BICD1: variants seen among roughly 807,000 people sequenced by gnomAD.
The protein encoded by BICD1 is protein bicaudal D homolog 1.
BICD1 carries 35 observed loss-of-function variants against 92.5 expected under a neutral mutation model. The ratio of observed to expected loss-of-function variants is 0.38; its 90% CI spans 0.29 to 0.50. The LOEUF (loss-of-function observed/expected upper bound fraction) is 0.50, where lower values mean the gene tolerates loss of function less well. Ranked by LOEUF, BICD1 falls within the 20% of genes least tolerant of loss-of-function variation. BICD1 has a pLI of 0.93. For synonymous variants in BICD1, 429 were observed against 465.1 expected, an observed-to-expected ratio of 0.92 and a Z score of 1.00; for missense variants, 950 against 1,189.8, an observed-to-expected ratio of 0.80 and a Z score of 2.97.
chr12:32,158,303 T>G (rs1424614096), intron 1 of BICD1, among the ~76,000 whole-genome samples: 1 of 152,002 alleles, frequency 6.6e-6, no homozygotes, highest in African/African-American at 2.4e-5. Context: ...AGACAGGGTT[T>G]TGCCATGTTG....
chr12:32,272,144 T>C (rs1006282876), intron 2 of BICD1, among the ~76,000 whole-genome samples: 2 of 152,216 alleles, frequency 1.3e-5, no homozygotes, highest in African/African-American at 4.8e-5. Flanking sequence ...CTTTTATGAC[T>C]GAGAAATTTC....
chr12:32,296,319 G>C lies in BICD1; in HGVS notation c.579+2173G>C, dbSNP rs182180433. 1.6e-4 allele frequency among the ~76,000 whole-genome samples: 22 copies of C among 135,286 alleles called. No homozygotes were observed. In the East Asian group the frequency reaches 4.9e-3, roughly 30 times the overall value. 88.8% of individuals were successfully genotyped at this position (135,286 alleles called of 152,430 possible). On this transcript the variant is annotated intron_variant, in intron 3 of 9. Coordinates refer to ENST00000652176, the MANE Select transcript of BICD1 (RefSeq NM_001714.4). Reference sequence around the variant, plus strand: ...CGTCACCAGGCTGGAGTGCAGTGGCGCGATCTTGGCTCACTGCAACCTCTG... The same window carrying C: ...CGTCACCAGGCTGGAGTGCAGTGGCCCGATCTTGGCTCACTGCAACCTCTG...
chr12:32,148,968 C>T (rs1052093540), intron 1 of BICD1, among the ~76,000 whole-genome samples: 7 of 149,502 alleles, frequency 4.7e-5, no homozygotes, highest in Admixed American at 1.3e-4. Flanking sequence ...TACAGTGAGC[C>T]GAGATCACGT....
Position 32,377,902 on chromosome 12 carries a change from A to T in BICD1, c.*275A>T. The T allele has an allele frequency of 3.1e-6, 1 of 321,382 alleles. No individual in the cohort carries two copies. Among genetic ancestry groups the T allele is most frequent in the Non-Finnish European group, 5.8e-6 (1 of 171,816 alleles). The allele number at this position is 321,382 out of a possible 1,614,324, so 19.9% of individuals were successfully genotyped here. On this transcript the variant is annotated 3_prime_UTR_variant, in exon 10 of 10. Coordinates refer to ENST00000652176, the MANE Select transcript of BICD1 (RefSeq NM_001714.4). The stretch of plus-strand genomic sequence containing the variant: ...TAAAAAAAAGAAAAAAGAAACAGAA[A>T]ACGTGTCTCAGATGGCTGGCTTTAC...
At chr12:32,276,989 G>A (rs957636087) in intron 2 of BICD1, among the ~76,000 whole-genome samples, 2 of 152,136 alleles carry the variant, frequency 1.3e-5, no homozygotes, top group Non-Finnish European at 2.9e-5. Flanking sequence ...AACTCTGGAC[G>A]TCCCCCCCTA....
At chr12:32,155,453 T>C (rs1008285049) in intron 1 of BICD1, among the ~76,000 whole-genome samples, 2 of 152,234 alleles carry the variant, frequency 1.3e-5, no homozygotes, top group Admixed American at 1.3e-4. Flanking sequence ...TGATATCTAG[T>C]TCAGGCACTC....
intron 1 of BICD1, among the ~76,000 whole-genome samples, chr12:32,154,238 T>A (rs539665017): frequency 3.4e-4 from 52 of 152,254 alleles, no homozygotes; most frequent in African/African-American, 1.2e-3. Flanking sequence ...TTTATTACTT[T>A]ATGTATATGT....
chr12:32,208,880 A>G (rs1387519091), intron 1 of BICD1, among the ~76,000 whole-genome samples: 1 of 151,798 alleles, frequency 6.6e-6, no homozygotes, highest in Non-Finnish European at 1.5e-5. Flanking sequence ...GCTGCAGTGC[A>G]GTGGTGCAAT....
chr12:32,231,193 C>T (rs996917469), intron 2 of BICD1, among the ~76,000 whole-genome samples: 18 of 152,036 alleles, frequency 1.2e-4, no homozygotes, highest in Non-Finnish European at 2.6e-4. Context: ...AAAATTAAAG[C>T]GTATTTAGGC....
At chr12:32,216,500 G>A in intron 2 of BICD1, 41 bp downstream of exon 2, 1 of 1,586,676 alleles carries the variant, frequency 6.3e-7, no homozygotes, top group Non-Finnish European at 8.6e-7. Context: ...GTGAGAGGGA[G>A]AAATAAGAAA....
In BICD1 at chr12:32,377,624, CT is replaced by C. The variant is rs750962254; in HGVS notation, c.2926del (p.Ter976SerfsTer39). On this transcript the variant is annotated frameshift_variant and stop_lost, in exon 10 of 10. Transcript: ENST00000652176. LOFTEE classifies it high-confidence loss of function. ...ACTGTCTCTCCAAGCCTCCTCACCC[CT>C]AGTCTTCATCTCCTGTGGACGAACA... The part of the protein sequence containing the change: ...LHCLSKPPHP[*>X] 23 of 1,612,090 alleles carry C rather than the reference CT, an allele frequency of 1.4e-5. No homozygotes were observed. The highest frequency in any genetic ancestry group is 2.0e-5 in the Non-Finnish European group (23 of 1,178,178).
chr12:32,155,472 G>C (rs974450077), intron 1 of BICD1, among the ~76,000 whole-genome samples: 1 of 152,152 alleles, frequency 6.6e-6, no homozygotes, highest in African/African-American at 2.4e-5. Flanking sequence ...TCATCTTTTA[G>C]GTTTCTCACA....
chr12:32,148,168 A>G (rs1943174965), intron 1 of BICD1, among the ~76,000 whole-genome samples: 1 of 148,298 alleles, frequency 6.7e-6, no homozygotes, highest in Admixed American at 6.7e-5. Flanking sequence ...TGAGAAGCAG[A>G]TACTGGCCAT....
At position 32,305,873 on chromosome 12, in the gene BICD1, C is replaced by G. The variant is rs750175439; in HGVS notation, c.756C>G (p.Leu252=). ...REQKNNLRKE[L]SQYISLNDNH... is the part of the protein sequence containing the mutation. ...AAAAGAACAACCTGCGGAAGGAGCT[C>G]TCCCAGTATATCAGCCTCAATGATA... Residue 252 remains leucine, a synonymous_variant, in exon 4 of 10, where the codon CTC becomes CTG. Coordinates refer to ENST00000652176, the MANE Select transcript of BICD1 (RefSeq NM_001714.4). 3 of 1,614,080 alleles carry G rather than the reference C, an allele frequency of 1.9e-6. No homozygotes were observed. The Admixed American group carries it at 5.0e-5, about 27-fold the overall frequency.
chr12:32,339,409 T>G, intron 8 of BICD1: 14 of 987,420 alleles, frequency 1.4e-5, no homozygotes, highest in Non-Finnish European at 1.7e-5. Context: ...CCTTTTGTGG[T>G]GACTCAGAAC....
chr12:32,250,979 C>A (rs1946508202), intron 2 of BICD1, among the ~76,000 whole-genome samples: 1 of 151,890 alleles, frequency 6.6e-6, no homozygotes, highest in East Asian at 1.9e-4. Context: ...CACAGTGAGA[C>A]CCTGTATCAA....
At chr12:32,162,454 G>C (rs1160443239) in intron 1 of BICD1, among the ~76,000 whole-genome samples, 5 of 152,166 alleles carry the variant, frequency 3.3e-5, no homozygotes, top group Non-Finnish European at 7.3e-5. Context: ...GAGTGATGCT[G>C]TCTGAAGTCA....
chr12:32,325,208 T>C (rs558168373), intron 4 of BICD1, among the ~76,000 whole-genome samples: 1 of 152,284 alleles, frequency 6.6e-6, no homozygotes, highest in South Asian at 2.1e-4. Context: ...CCTTTCTTTC[T>C]TGTAATTCAT....
intron 2 of BICD1, among the ~76,000 whole-genome samples, chr12:32,231,661 C>A (rs1945892464): frequency 6.6e-6 from 1 of 151,610 alleles, no homozygotes; most frequent in Non-Finnish European, 1.5e-5. Context: ...CATATGTATA[C>A]ATGTGCCATG....
Sources: allele counts gnomAD v4.1 joint callset (sites outside exome capture counted in the v4.1 genomes callset), GRCh38; gene constraint gnomAD v4.1.1; transcripts MANE v1.5; gene names NCBI Gene and HGNC (gene_info 2026-07-23, HGNC 2026-07-21).